The following UNC80 variants were observed in gnomAD, a reference collection of about 807,000 sequenced individuals.
The protein encoded by UNC80 is protein unc-80 homolog.
A neutral mutation model predicts 384.6 loss-of-function variants in UNC80; 164 were observed. The observed-to-expected ratio is 0.43, with a 90% CI of 0.38 to 0.49. The LOEUF (loss-of-function observed/expected upper bound fraction) is 0.49, where lower values mean the gene tolerates loss of function less well. UNC80 is among the 20% of genes least tolerant of loss of function. The pLI, the probability that UNC80 is intolerant of heterozygous loss-of-function variation, is 0.00. For synonymous variants in UNC80, 1,486 were observed against 1,527.8 expected (o/e 0.97, Z 0.64); for missense variants, 3,330 against 4,143.0 (o/e 0.80, Z 5.39).
chr2:209,787,704 A>G (rs2077528097), intron 5 of UNC80, among the ~76,000 whole-genome samples: 1 of 152,198 alleles, frequency 6.6e-6, no homozygotes, highest in Non-Finnish European at 1.5e-5. Context: ...CTGTTTTATA[A>G]AAGTATAGCC....
chr2:209,962,923 A>G (rs549373623), intron 51 of UNC80, among the ~76,000 whole-genome samples: 1 of 152,364 alleles, frequency 6.6e-6, no homozygotes, highest in South Asian at 2.1e-4. Context: ...AGAATAGATA[A>G]TGTCACCCAA....
At chr2:209,977,700 G>A (rs1190774471) in intron 58 of UNC80, among the ~76,000 whole-genome samples, 1 of 152,194 alleles carries the variant, frequency 6.6e-6, no homozygotes. Context: ...GATTCCCTTA[G>A]AGCTGGCAAA....
Position 209,813,756 on chromosome 2 carries a change from A to G in UNC80, c.1115A>G (p.Glu372Gly), listed in dbSNP as rs1268397895. 2.6e-6 allele frequency: 4 copies of G among 1,551,848 alleles called. No homozygotes were observed. In the South Asian group the frequency reaches 3.6e-5, roughly 14 times the overall value. Residue 372 changes from glutamate (E) to glycine (G), a missense_variant, in exon 8 of 65, where the codon GAG becomes GGG. Around this residue, in one of 8 missense-constraint regions of UNC80, gnomAD observed 937 missense variants for 1,026.8 expected, o/e 0.91. Transcript: ENST00000673920. ...GAAGAGAAGCCAGAAAAGCCTCCGG[A>G]GCCAGATATTCCTCTCCTGCCCAGA... is the stretch of plus-strand genomic sequence containing the variant. ...MLEEKPEKPPEPDIPLLPRPR... is the reference protein window; with the variant it reads ...MLEEKPEKPPGPDIPLLPRPR...
At chr2:209,851,544 G>A (rs1489393007) in intron 22 of UNC80, among the ~76,000 whole-genome samples, 1 of 152,058 alleles carries the variant, frequency 6.6e-6, no homozygotes, top group Non-Finnish European at 1.5e-5. Context: ...TGTCTTTTGA[G>A]GGATTCCTAT....
Position 209,825,985 on chromosome 2 carries a change from T to C in UNC80, c.2410T>C (p.Tyr804His), listed in dbSNP as rs1385519705. ...IKIVKSLGCA[Y>H]GCGEGHRGLS... Reference sequence around the variant, plus strand: ...AATAGTGAAGTCTTTGGGATGTGCCTATGGTTGTGGTGAAGGACACCGAGG... The same window carrying C: ...AATAGTGAAGTCTTTGGGATGTGCCCATGGTTGTGGTGAAGGACACCGAGG... The change falls in exon 14 of 65, where the codon TAT (tyrosine) becomes CAT (histidine). Residue 804 changes from tyrosine to histidine, a missense_variant. Coordinates refer to ENST00000673920, the MANE Select transcript of UNC80 (RefSeq NM_001371986.1). 6.4e-7 allele frequency: 1 copy of C among 1,550,986 alleles called. No individual in the cohort carries two copies. Among genetic ancestry groups the C allele is most frequent in the Admixed American group, 2.0e-5 (1 of 50,972 alleles).
chr2:209,944,394 C>T (rs758089760), intron 45 of UNC80, among the ~76,000 whole-genome samples: 20 of 152,142 alleles, frequency 1.3e-4, no homozygotes, highest in Non-Finnish European at 2.9e-4. Flanking sequence ...CGACACTCAA[C>T]CAGCAGAATT....
intron 22 of UNC80, among the ~76,000 whole-genome samples, chr2:209,865,971 T>A (rs956738749): frequency 6.6e-6 from 1 of 152,218 alleles, no homozygotes; most frequent in African/African-American, 2.4e-5. Flanking sequence ...TAATTGACAA[T>A]CCTTTATAGG....
chr2:209,860,105 A>C (rs1389954805), intron 22 of UNC80, among the ~76,000 whole-genome samples: 1 of 152,140 alleles, frequency 6.6e-6, no homozygotes, highest in Non-Finnish European at 1.5e-5. Flanking sequence ...TTTTGTCATG[A>C]AGCCTGTGTC....
At chr2:209,871,401 A>G (rs2084284311) in intron 22 of UNC80, among the ~76,000 whole-genome samples, 1 of 152,198 alleles carries the variant, frequency 6.6e-6, no homozygotes, top group Non-Finnish European at 1.5e-5. Flanking sequence ...GACATTATTT[A>G]TAGATCACAG....
In UNC80 at chr2:209,879,079, G is replaced by C. The variant is rs371146976; in HGVS notation, c.3976+990G>C. ...TTTTAAATCATGTTACCCCTTCTAA[G>C]ACCTTATCAAATCAGAGCAAATCTT... On this transcript the variant is annotated intron_variant, in intron 24 of 64. Coordinates refer to ENST00000673920, the MANE Select transcript of UNC80 (RefSeq NM_001371986.1). Among the ~76,000 whole-genome samples the C allele has an allele frequency of 1.6e-3, 247 of 150,562 alleles. 1 individual carries two copies. Among genetic ancestry groups the C allele is most frequent in the African/African-American group, 5.8e-3 (239 of 40,912 alleles).
intron 12 of UNC80, 138 bp downstream of exon 12, chr2:209,819,399 A>C (rs972137215): frequency 1.1e-6 from 1 of 925,832 alleles, no homozygotes; most frequent in African/African-American, 1.7e-5. Context: ...CACTGAAAAA[A>C]ATTCACCAAT....
At chr2:209,792,926 A>G (rs909655865) in intron 6 of UNC80, among the ~76,000 whole-genome samples, 2 of 152,230 alleles carry the variant, frequency 1.3e-5, no homozygotes, top group Admixed American at 1.3e-4. Flanking sequence ...ACCTAACATT[A>G]TGCTAAAGAA....
At position 209,925,499 on chromosome 2, in the gene UNC80, C is replaced by T. The variant is rs186540703; in HGVS notation, c.5663-1344C>T. Among the ~76,000 whole-genome samples the T allele has an allele frequency of 5.3e-5, 8 of 152,320 alleles. No homozygotes were observed. The East Asian group carries it at 5.8e-4, about 11-fold the overall frequency. On this transcript the variant is annotated intron_variant, in intron 35 of 64. Coordinates refer to ENST00000673920, the MANE Select transcript of UNC80 (RefSeq NM_001371986.1). ...GTGGAAGGGGACCCAAGCGGGTTGC[C>T]GCTACTGGCTTGGGTGGCCAGCTTT...
In UNC80 at chr2:209,994,203, C is replaced by A; in HGVS notation, c.9647C>A (p.Pro3216Gln). 1 of 1,551,262 alleles carries A rather than the reference C, an allele frequency of 6.4e-7. No individual in the cohort carries two copies. The highest frequency in any genetic ancestry group is 2.4e-5 in the East Asian group (1 of 40,868). ...AGGAAACCAGAAGCAATGGACGAAC[C>A]AGTCCTCACATCTTCTCCCGCCATA... is the stretch of plus-strand genomic sequence containing the variant. ...PSRKPEAMDE[P>Q]VLTSSPAIVV... The change falls in exon 64 of 65, where the codon CCA becomes CAA. Residue 3216 changes from proline (P) to glutamine (Q), a missense_variant. Pro to Gln is a moderately conservative substitution (Grantham distance 76). Transcript: ENST00000673920.
At position 209,967,533 on chromosome 2, in the gene UNC80, A is replaced by G. The variant is rs1465986458; in HGVS notation, c.7902A>G (p.Leu2634=). The G allele has an allele frequency of 1.3e-6, 2 of 1,551,440 alleles. No individual in the cohort carries two copies. Among genetic ancestry groups the G allele is most frequent in the African/African-American group, 1.4e-5 (1 of 72,970 alleles). The part of the protein sequence containing the change: ...RGLRRYIMEM[L]PITDWTAEAV... ...TTCGGCGCTACATCATGGAGATGCT[A>G]CCCATTACTGACTGGACAGCTGAGG... The change falls in exon 52 of 65, where the codon CTA becomes CTG. Residue 2634 remains leucine, a synonymous_variant. Transcript: ENST00000673920.
At chr2:209,818,083 T>C in intron 11 of UNC80, 131 bp downstream of exon 11, 1 of 1,188,140 alleles carries the variant, frequency 8.4e-7, no homozygotes, top group South Asian at 1.6e-5. Flanking sequence ...TGTGCTGAAT[T>C]GCTTTTGTTA....
intron 22 of UNC80, among the ~76,000 whole-genome samples, chr2:209,853,862 A>C (rs2082703877): frequency 6.6e-6 from 1 of 152,126 alleles, no homozygotes; most frequent in Admixed American, 6.6e-5. Context: ...CCATAGGATC[A>C]TAGAATTCTC....
At chr2:209,994,398 C>G in intron 64 of UNC80, 134 bp downstream of exon 64, 1 of 747,280 alleles carries the variant, frequency 1.3e-6, no homozygotes, top group Admixed American at 3.6e-5. Context: ...GATACTGCTC[C>G]TGCCATCATG....
chr2:209,945,173 GC>G lies in UNC80; in HGVS notation c.7175del (p.Pro2392LeufsTer5). The G allele has an allele frequency of 6.5e-7, 1 of 1,549,684 alleles. No individual in the cohort carries two copies. Among genetic ancestry groups the G allele is most frequent in the Non-Finnish European group, 8.7e-7 (1 of 1,146,284 alleles). On this transcript the variant is annotated frameshift_variant, in exon 46 of 65. Coordinates refer to ENST00000673920, the MANE Select transcript of UNC80 (RefSeq NM_001371986.1). LOFTEE classifies it high-confidence loss of function. ...DILELVKAEK[P>X]LKSLDFCYGN... ...TCTTAGAGCTGGTCAAAGCTGAGAA[GC>G]CTCTCAAGTCATTAGGTAAAAGCAA... is the stretch of plus-strand genomic sequence containing the variant.
Sources: gnomAD v4.1 joint callset for allele counts (sites outside exome capture counted in the v4.1 genomes callset) on GRCh38, gnomAD v4.1.1 for gene constraint, gnomAD v4.1.1 regional missense constraint, MANE v1.5 for transcripts, NCBI Gene and HGNC (gene_info 2026-07-23, HGNC 2026-07-21) for gene names.